The following PPFIA1 variants were observed in gnomAD, a reference collection of about 807,000 sequenced individuals.
PPFIA1 encodes liprin-alpha-1.
In PPFIA1, 25 loss-of-function variants were observed where a neutral mutation model predicts 149.9. The observed-to-expected ratio is 0.17, with a 90% CI of 0.12 to 0.23. The LOEUF (loss-of-function observed/expected upper bound fraction) is 0.23, where lower values mean the gene tolerates loss of function less well. PPFIA1 is among the 10% of genes least tolerant of loss of function. PPFIA1 has a pLI of 1.00. For missense variants in PPFIA1, 1,362 were observed against 1,506.5 expected, an observed-to-expected ratio of 0.90 and a Z score of 1.59; for synonymous variants, 549 against 552.8, an observed-to-expected ratio of 0.99 and a Z score of 0.10.
intron 2 of PPFIA1, among the ~76,000 whole-genome samples, chr11:70,324,091 C>T (rs2054124180): frequency 6.6e-6 from 1 of 152,236 alleles, no homozygotes; most frequent in Non-Finnish European, 1.5e-5. Context: ...CAGTTCATGT[C>T]AGGATCCTGT....
At chr11:70,286,320 C>T (rs1046028774) in intron 2 of PPFIA1, among the ~76,000 whole-genome samples, 4 of 152,196 alleles carry the variant, frequency 2.6e-5, no homozygotes, top group African/African-American at 9.6e-5. Flanking sequence ...GGCACAATCT[C>T]AGCTCGCTGC....
chr11:70,322,471 C>A (rs1038078893), intron 2 of PPFIA1, among the ~76,000 whole-genome samples: 1 of 152,188 alleles, frequency 6.6e-6, no homozygotes, highest in Admixed American at 6.5e-5. Context: ...ACCCTCCTCC[C>A]GCACGCTGCC....
At chr11:70,273,487 CTCA>C (rs1452479266) in intron 2 of PPFIA1, among the ~76,000 whole-genome samples, 10 of 152,234 alleles carry the variant, frequency 6.6e-5, no homozygotes, top group South Asian at 6.2e-4. Context: ...CGCCACGTTA[CTCA>C]TCATAAGTGC....
intron 16 of PPFIA1, among the ~76,000 whole-genome samples, chr11:70,352,712 AGCGTGTGGAGGGGTGCGGAGGGCG>A (rs1190266493): frequency 1.4e-5 from 2 of 144,676 alleles, no homozygotes; most frequent in African/African-American, 2.6e-5. Flanking sequence ...ACAGCACTAC[AGCGTGTGGAGGGGTGCGGAGGGCG>A]GCGTGTGGAG....
chr11:70,362,253 C>T (rs1398884291), intron 20 of PPFIA1, 35 bp from the exon 21 acceptor site: 19 of 1,613,478 alleles, frequency 1.2e-5, no homozygotes, highest in East Asian at 4.5e-5. Flanking sequence ...GACTGTACCT[C>T]ACTGTGCTGC....
intron 21 of PPFIA1, among the ~76,000 whole-genome samples, chr11:70,363,702 C>G (rs1009794698): frequency 6.6e-6 from 1 of 151,984 alleles, no homozygotes; most frequent in Non-Finnish European, 1.5e-5. Context: ...TTCTTAGAGA[C>G]AGGGTCTTGC....
intron 21 of PPFIA1, 40 bp downstream of exon 21, chr11:70,362,528 G>A: frequency 1.3e-6 from 2 of 1,537,374 alleles, no homozygotes; most frequent in Admixed American, 2.0e-5. Flanking sequence ...TGGAAACAGG[G>A]AATGCCTCTC....
At chr11:70,322,829 C>G (rs1008484952) in intron 2 of PPFIA1, among the ~76,000 whole-genome samples, 1 of 152,124 alleles carries the variant, frequency 6.6e-6, no homozygotes, top group African/African-American at 2.4e-5. Flanking sequence ...TGTCCCCTCC[C>G]CACCCCCGCT....
intron 11 of PPFIA1, 74 bp downstream of exon 11, chr11:70,335,768 G>C (rs1188183403): frequency 1.3e-6 from 2 of 1,545,154 alleles, no homozygotes; most frequent in Non-Finnish European, 1.8e-6. Context: ...CCCCTGAGCA[G>C]GCGTGTGTAA....
Position 70,383,505 on chromosome 11 carries a change from T to G in PPFIA1, c.*515T>G, listed in dbSNP as rs574992788. On this transcript the variant is annotated 3_prime_UTR_variant, in exon 28 of 28. Transcript: ENST00000253925. ...TAGCTCTACAGCAATCATCCTGAAA[T>G]AAGCATACCTAATTTCAAGCAATTG... 6.4e-6 allele frequency: 1 copy of G among 156,912 alleles called. No homozygotes were observed. Among genetic ancestry groups the G allele is most frequent in the South Asian group, 1.9e-4 (1 of 5,156 alleles). 9.7% of individuals were successfully genotyped at this position (156,912 alleles called of 1,614,324 possible).
intron 23 of PPFIA1, among the ~76,000 whole-genome samples, chr11:70,372,818 A>C (rs2057329162): frequency 6.6e-6 from 1 of 152,238 alleles, no homozygotes; most frequent in Non-Finnish European, 1.5e-5. Context: ...GTCTCCGGCT[A>C]GTCGTTTCCT....
At chr11:70,325,231 G>A in intron 4 of PPFIA1, 1 of 454,924 alleles carries the variant, frequency 2.2e-6, no homozygotes, top group Non-Finnish European at 3.7e-6. Context: ...GTAGTATTAG[G>A]TTGTTGCAAA....
chr11:70,308,700 G>A (rs2053047562), intron 2 of PPFIA1, among the ~76,000 whole-genome samples: 1 of 152,150 alleles, frequency 6.6e-6, no homozygotes, highest in Non-Finnish European at 1.5e-5. Context: ...GGGAGGTCAA[G>A]GTGGGAGGTT....
rs1250270888 is a variant in PPFIA1 at position 70,270,925 on chromosome 11, GGGACA to G, written c.-1+12_-1+16del. On this transcript the variant is annotated intron_variant, in intron 1 of 27. Coordinates refer to ENST00000253925, the MANE Select transcript of PPFIA1 (RefSeq NM_003626.5). ...CCGCCGGCGAGCAAGGTAAGGGAGCGGGACACTGAGGCAGGCTCGGGGCCCAGGCG... is the reference window on the plus strand; with the variant it reads ...CCGCCGGCGAGCAAGGTAAGGGAGCGCTGAGGCAGGCTCGGGGCCCAGGCG... 2.6e-5 allele frequency: 4 copies of G among 151,536 alleles called. No homozygotes were observed. The highest frequency in any genetic ancestry group is 9.7e-5 in the African/African-American group (4 of 41,364). 9.4% of individuals were successfully genotyped at this position (151,536 alleles called of 1,614,324 possible).
intron 2 of PPFIA1, among the ~76,000 whole-genome samples, chr11:70,296,605 A>T (rs896819908): frequency 6.6e-6 from 1 of 151,650 alleles, no homozygotes; most frequent in East Asian, 1.9e-4. Flanking sequence ...TCAGGCAGGG[A>T]GGTTGCAGTG....
chr11:70,303,543 T>A (rs557285157), intron 2 of PPFIA1, among the ~76,000 whole-genome samples: 3 of 152,220 alleles, frequency 2.0e-5, no homozygotes, highest in Admixed American at 2.0e-4. Context: ...TCCTGAGCGG[T>A]GCCAAGTGTG....
At chr11:70,274,176 G>T in intron 2 of PPFIA1, among the ~76,000 whole-genome samples, 1 of 152,170 alleles carries the variant, frequency 6.6e-6, no homozygotes, top group Admixed American at 6.5e-5. Context: ...CTGGCATCTG[G>T]TTCATCTTTG....
chr11:70,374,811 C>A, intron 23 of PPFIA1, 107 bp from the exon 24 acceptor site: 1 of 1,044,576 alleles, frequency 9.6e-7, no homozygotes, highest in Non-Finnish European at 1.4e-6. Flanking sequence ...TCTCAGGAGC[C>A]GAAGGATTAG....
chr11:70,319,393 G>GA (rs2136679826), intron 2 of PPFIA1, among the ~76,000 whole-genome samples: 1 of 152,312 alleles, frequency 6.6e-6, no homozygotes, highest in Non-Finnish European at 1.5e-5. Context: ...GGAATCCTTT[G>GA]AAAACGGGTG....
Sources: allele counts gnomAD v4.1 joint callset (sites outside exome capture counted in the v4.1 genomes callset), GRCh38; gene constraint gnomAD v4.1.1; transcripts MANE v1.5; gene names NCBI Gene and HGNC (gene_info 2026-07-23, HGNC 2026-07-21).